ACTR3: variants seen among roughly 807,000 people sequenced by gnomAD.
ACTR3 encodes actin-related protein 3.
In ACTR3, 12 loss-of-function variants were observed where a neutral mutation model predicts 56.8. The observed-to-expected ratio is 0.21, with a 90% CI of 0.14 to 0.34. The LOEUF (loss-of-function observed/expected upper bound fraction) is 0.34. Among genes scored for constraint, ACTR3 ranks in the 10% least tolerant of loss-of-function variants. ACTR3 has a pLI of 1.00. For synonymous variants in ACTR3, 162 were observed against 167.4 expected (o/e 0.97, Z 0.25); for missense variants, 282 against 512.5 (o/e 0.55, Z 4.34).
At chr2:113,926,206 G>T (rs755950829) in intron 3 of ACTR3, among the ~76,000 whole-genome samples, 12 of 152,162 alleles carry the variant, frequency 7.9e-5, no homozygotes, top group Non-Finnish European at 1.2e-4. Context: ...TGATAACTTG[G>T]TTTTTATGCC....
At chr2:113,911,173 A>C (rs1679299345) in intron 1 of ACTR3, among the ~76,000 whole-genome samples, 2 of 152,206 alleles carry the variant, frequency 1.3e-5, no homozygotes, top group Admixed American at 1.3e-4. Context: ...AGTGTTGAGA[A>C]ATTGTCAGCT....
intron 1 of ACTR3, among the ~76,000 whole-genome samples, chr2:113,891,561 C>A (rs1678897514): frequency 7.0e-6 from 1 of 143,650 alleles, no homozygotes; most frequent in African/African-American, 2.8e-5. Flanking sequence ...ATTCCCAGAA[C>A]ACTCCCAGTT....
At chr2:113,923,431 G>A (rs1160095673) in intron 3 of ACTR3, among the ~76,000 whole-genome samples, 3 of 152,010 alleles carry the variant, frequency 2.0e-5, no homozygotes, top group African/African-American at 7.2e-5. Context: ...TCGACTTCGG[G>A]TTCATGCCAT....
At chr2:113,934,224 GT>G in intron 5 of ACTR3, 54 bp from the exon 6 acceptor site, 1 of 1,160,224 alleles carries the variant, frequency 8.6e-7, no homozygotes, top group Non-Finnish European at 1.2e-6. Flanking sequence ...TTAACTCTTT[GT>G]TTTTTTGTTT....
intron 2 of ACTR3, among the ~76,000 whole-genome samples, chr2:113,915,176 G>A (rs1293415375): frequency 6.6e-6 from 1 of 152,170 alleles, no homozygotes; most frequent in Non-Finnish European, 1.5e-5. Flanking sequence ...ACCAAAAATT[G>A]GGTGGCTGAA....
At chr2:113,945,503 G>T (rs1309458454) in intron 8 of ACTR3, among the ~76,000 whole-genome samples, 3 of 152,086 alleles carry the variant, frequency 2.0e-5, no homozygotes. Flanking sequence ...TTGTTATTAG[G>T]TAAATCAATA....
chr2:113,896,113 A>G (rs555207778), intron 1 of ACTR3, among the ~76,000 whole-genome samples: 17 of 152,132 alleles, frequency 1.1e-4, no homozygotes, highest in Admixed American at 4.6e-4. Context: ...TCTTGCCCTG[A>G]CCTCTTAAAG....
chr2:113,893,903 A>G (rs1678955380), intron 1 of ACTR3, among the ~76,000 whole-genome samples: 1 of 152,154 alleles, frequency 6.6e-6, no homozygotes, highest in Non-Finnish European at 1.5e-5. Context: ...TGTAAGCTTA[A>G]ATATCTTGTA....
intron 6 of ACTR3, among the ~76,000 whole-genome samples, chr2:113,937,438 T>TTC (rs1679849700): frequency 6.6e-6 from 1 of 152,196 alleles, no homozygotes; most frequent in African/African-American, 2.4e-5. Context: ...ACGTACCATA[T>TTC]CTAGTGCTCT....
At chr2:113,931,491 G>A in intron 5 of ACTR3, 95 bp downstream of exon 5, 1 of 661,402 alleles carries the variant, frequency 1.5e-6, no homozygotes, top group Admixed American at 3.3e-5. Flanking sequence ...TTTCTGCAAA[G>A]GTTTAAACAT....
chr2:113,901,507 A>G (rs35821829), intron 1 of ACTR3, among the ~76,000 whole-genome samples: 7,150 of 152,294 alleles, frequency 0.047, 228 homozygotes, highest in Non-Finnish European at 0.071. Flanking sequence ...TTATTTGGTA[A>G]TCATATCTTA....
chr2:113,957,770 G>GT lies in ACTR3; in HGVS notation c.*316dup. 4.0e-6 allele frequency: 1 copy of GT among 249,764 alleles called. No individual in the cohort carries two copies. The highest frequency in any genetic ancestry group is 7.9e-6 in the Non-Finnish European group (1 of 126,486). 15.5% of individuals were successfully genotyped at this position (249,764 alleles called of 1,614,324 possible). On this transcript the variant is annotated 3_prime_UTR_variant, in exon 12 of 12. Coordinates refer to ENST00000263238, the MANE Select transcript of ACTR3 (RefSeq NM_005721.5). ...AAGATTCGATGGGATTTATCAGTGT[G>GT]TAGATAGCTCTATAATGCTTGAATT...
Position 113,957,589 on chromosome 2 carries a change from G to C in ACTR3, c.*134G>C. On this transcript the variant is annotated 3_prime_UTR_variant, in exon 12 of 12. Coordinates refer to ENST00000263238, the MANE Select transcript of ACTR3 (RefSeq NM_005721.5). ...AGTAACACCAAACATGATTATACAG[G>C]AATATTTTAATAAGTGTATCACCAT... 1.6e-6 allele frequency: 1 copy of C among 619,910 alleles called. No individual in the cohort carries two copies. The highest frequency in any genetic ancestry group is 2.9e-6 in the Non-Finnish European group (1 of 347,016). 38.4% of individuals were successfully genotyped at this position (619,910 alleles called of 1,614,324 possible).
At chr2:113,896,943 A>G (rs1158230642) in intron 1 of ACTR3, among the ~76,000 whole-genome samples, 1 of 152,238 alleles carries the variant, frequency 6.6e-6, no homozygotes, top group East Asian at 1.9e-4. Context: ...GGATTGGACT[A>G]GGAGCAGAAG....
chr2:113,932,065 C>T (rs1315482634), intron 5 of ACTR3, among the ~76,000 whole-genome samples: 2 of 152,120 alleles, frequency 1.3e-5, no homozygotes, highest in Non-Finnish European at 2.9e-5. Context: ...AGCTGTGATA[C>T]CAGGCAGCTG....
At chr2:113,948,511 T>G (rs1680062357) in intron 8 of ACTR3, among the ~76,000 whole-genome samples, 2 of 152,206 alleles carry the variant, frequency 1.3e-5, no homozygotes, top group African/African-American at 4.8e-5. Flanking sequence ...TTTTTTATCC[T>G]TCTTCTGTCA....
intron 1 of ACTR3, among the ~76,000 whole-genome samples, chr2:113,907,420 T>G (rs1330345280): frequency 5.9e-5 from 9 of 152,098 alleles, no homozygotes; most frequent in African/African-American, 1.7e-4. Flanking sequence ...TCCAGCTGAT[T>G]TTTAAATTTT....
chr2:113,910,050 T>G (rs1241521119), intron 1 of ACTR3, among the ~76,000 whole-genome samples: 1 of 149,106 alleles, frequency 6.7e-6, no homozygotes, highest in African/African-American at 2.6e-5. Flanking sequence ...TCTGTTTGAG[T>G]GCTAATGGGA....
Position 113,899,155 on chromosome 2 carries a change from G to C in ACTR3, c.44+8832G>C, listed in dbSNP as rs1679057005. Among the ~76,000 whole-genome samples, 3 of 152,216 alleles carry C rather than the reference G, an allele frequency of 2.0e-5. No individual in the cohort carries two copies. In the South Asian group the frequency reaches 6.2e-4, roughly 32 times the overall value. ...ACACATTAAAGTGAAATATGGATTTGCTTACTGCTTATTTGAGTATTGCAA... is the reference window on the plus strand; with the variant it reads ...ACACATTAAAGTGAAATATGGATTTCCTTACTGCTTATTTGAGTATTGCAA... On this transcript the variant is annotated intron_variant, in intron 1 of 11. Transcript: ENST00000263238.
Sources: allele counts gnomAD v4.1 joint callset (sites outside exome capture counted in the v4.1 genomes callset), GRCh38; gene constraint gnomAD v4.1.1; transcripts MANE v1.5; gene names NCBI Gene and HGNC (gene_info 2026-07-23, HGNC 2026-07-21).